The following TEX11 variants were observed in gnomAD, a reference collection of about 807,000 sequenced individuals.
TEX11 encodes the protein testis expressed 11.
A neutral mutation model predicts 84.4 loss-of-function variants in TEX11; 7 were observed. The ratio of observed to expected loss-of-function variants is 0.08; its 90% CI spans 0.05 to 0.16. TEX11 has a LOEUF of 0.16. Ranked by LOEUF, TEX11 falls within the 10% of genes least tolerant of loss-of-function variation. The pLI, the probability that TEX11 is intolerant of heterozygous loss-of-function variation, is 1.00. For missense variants in TEX11, 551 were observed against 660.5 expected, an observed-to-expected ratio of 0.83 and a Z score of 1.82; for synonymous variants, 264 against 222.8, an observed-to-expected ratio of 1.18 and a Z score of -1.64.
chrX:70,852,782 G>C (rs1482635416), intron 7 of TEX11, among the ~76,000 whole-genome samples: 1 of 111,439 alleles, frequency 9.0e-6, no homozygotes, highest in Non-Finnish European at 1.9e-5. Flanking sequence ...ATAAATAAAT[G>C]ACAGATGTTA....
intron 28 of TEX11, among the ~76,000 whole-genome samples, chrX:70,544,976 G>T (rs2088101590): frequency 2.7e-5 from 3 of 110,292 alleles, no homozygotes; most frequent in Admixed American, 1.9e-4. Flanking sequence ...AGGCTGAAGT[G>T]GGACAATCAC....
intron 8 of TEX11, among the ~76,000 whole-genome samples, chrX:70,816,222 T>C (rs2091285451): frequency 8.9e-6 from 1 of 112,055 alleles, no homozygotes; most frequent in Non-Finnish European, 1.9e-5. Context: ...AATAATAGTC[T>C]CCAATAGGAT....
chrX:70,667,762 C>T (rs1437037654), intron 16 of TEX11, among the ~76,000 whole-genome samples: 1 of 110,799 alleles, frequency 9.0e-6, no homozygotes, highest in African/African-American at 3.3e-5. Context: ...CCTGTCTCTA[C>T]TAAAAATATA....
intron 13 of TEX11, among the ~76,000 whole-genome samples, chrX:70,709,976 G>A (rs1159605787): frequency 9.1e-6 from 1 of 110,379 alleles, no homozygotes; most frequent in Non-Finnish European, 1.9e-5. Context: ...ATTTTTATTT[G>A]GTGCATTGAC....
At chrX:70,682,910 C>T in intron 13 of TEX11, 85 bp from the exon 14 acceptor site, 1 of 899,109 alleles carries the variant, frequency 1.1e-6, no homozygotes, top group South Asian at 2.6e-5. Context: ...TCAGTGTGAG[C>T]AAAATAAGCC....
intron 28 of TEX11, among the ~76,000 whole-genome samples, chrX:70,545,229 A>G (rs1186985621): frequency 3.6e-5 from 4 of 111,759 alleles, no homozygotes; most frequent in African/African-American, 1.3e-4. Flanking sequence ...AAAACAAAAA[A>G]CCCCAACTTT....
chrX:70,700,314 G>A (rs1314499242), intron 13 of TEX11, among the ~76,000 whole-genome samples: 1 of 111,286 alleles, frequency 9.0e-6, no homozygotes, highest in Non-Finnish European at 1.9e-5. Flanking sequence ...AAGATGTGTG[G>A]CAACCCTGAA....
intron 17 of TEX11, among the ~76,000 whole-genome samples, chrX:70,646,469 A>G (rs2089744074): frequency 8.9e-6 from 1 of 112,126 alleles, no homozygotes; most frequent in Non-Finnish European, 1.9e-5. Context: ...ATATTTACAA[A>G]CCAGGCATTT....
At chrX:70,515,649 C>T in the TEX11 span, among the ~76,000 whole-genome samples, 1 of 112,178 alleles carries the variant, frequency 8.9e-6, no homozygotes, top group African/African-American at 3.2e-5. Flanking sequence ...AATGGGATTG[C>T]TGGTTCAAAT....
chrX:70,824,103 T>C (rs2091332460), intron 8 of TEX11, among the ~76,000 whole-genome samples: 1 of 112,148 alleles, frequency 8.9e-6, no homozygotes, highest in African/African-American at 3.2e-5. Flanking sequence ...TATCTCCCAC[T>C]GAATGTAACT....
intron 25 of TEX11, among the ~76,000 whole-genome samples, chrX:70,569,361 G>A (rs2088550745): frequency 9.0e-6 from 1 of 111,470 alleles, no homozygotes; most frequent in Admixed American, 9.6e-5. Flanking sequence ...ATTTCCTCCT[G>A]TAGCTCAGAG....
chrX:70,527,794 C>T (rs1046578842), downstream of TEX11, among the ~76,000 whole-genome samples: 1 of 111,709 alleles, frequency 9.0e-6, no homozygotes, highest in African/African-American at 3.3e-5. Flanking sequence ...TTAATCTCAA[C>T]TGGTTCAGAA....
chrX:70,776,715 T>C (rs1313654259), intron 9 of TEX11, among the ~76,000 whole-genome samples: 5 of 110,963 alleles, frequency 4.5e-5, no homozygotes, highest in African/African-American at 1.3e-4. Context: ...GTGGATCTCA[T>C]GGAGGTAGAA....
chrX:70,715,825 T>C (rs2090494022), intron 13 of TEX11, among the ~76,000 whole-genome samples: 1 of 112,307 alleles, frequency 8.9e-6, no homozygotes. Flanking sequence ...TTTGTTCCAT[T>C]GCTGGTGAGG....
Position 70,554,799 on chromosome X carries a change from C to T in TEX11, c.2142G>A (p.Gly714=). 1.7e-6 allele frequency: 2 copies of T among 1,198,563 alleles called. No homozygotes were observed. Among genetic ancestry groups the T allele is most frequent in the East Asian group, 3.0e-5 (1 of 33,541 alleles). ...NDIHNFLKQT[G]TFSNDSCEKL... is the part of the protein sequence containing the mutation. Reference sequence around the variant, plus strand: ...TCTCACATGAATCATTTGAGAAGGTCCCTAAGAAAGAGGCAAAAATGCAAC... The same window carrying T: ...TCTCACATGAATCATTTGAGAAGGTTCCTAAGAAAGAGGCAAAAATGCAAC... Residue 714 remains glycine, a splice_region_variant and synonymous_variant, in exon 26 of 30, where the codon GGG becomes GGA. Coordinates refer to ENST00000374333, the MANE Select transcript of TEX11 (RefSeq NM_031276.3).
intron 2 of TEX11, among the ~76,000 whole-genome samples, chrX:70,893,044 C>G (rs2091747371): frequency 9.0e-6 from 1 of 111,355 alleles, no homozygotes; most frequent in South Asian, 3.8e-4. Context: ...CACCCAGATT[C>G]ATAAAGGAAG....
chrX:70,601,534 C>CTTTTTTTTTTTTTTTTTTTTTT (rs1182961993), intron 24 of TEX11, among the ~76,000 whole-genome samples: 4 of 63,400 alleles, frequency 6.3e-5, no homozygotes, highest in Non-Finnish European at 8.2e-5. Flanking sequence ...CAGCATCATT[C>CTTTTTTTTTTTTTTTTTTTTTT]TTTTTTTTTT....
intron 16 of TEX11, among the ~76,000 whole-genome samples, chrX:70,658,895 A>G (rs997041212): frequency 8.9e-6 from 1 of 112,133 alleles, no homozygotes; most frequent in African/African-American, 3.2e-5. Context: ...GAGCCCAGAA[A>G]TGAACCCTCA....
At chrX:70,702,741 G>A (rs914250721) in intron 13 of TEX11, among the ~76,000 whole-genome samples, 1 of 111,057 alleles carries the variant, frequency 9.0e-6, no homozygotes, top group African/African-American at 3.3e-5. Context: ...TTAATCTGTC[G>A]TCCATCTCTA....
Sources: allele counts gnomAD v4.1 joint callset (sites outside exome capture counted in the v4.1 genomes callset), GRCh38; gene constraint gnomAD v4.1.1; transcripts MANE v1.5; gene names NCBI Gene and HGNC (gene_info 2026-07-23, HGNC 2026-07-21).